TMEM135: variants seen among roughly 807,000 people sequenced by gnomAD.
The protein encoded by TMEM135 is peroxisomal membrane protein 52.
TMEM135 carries 30 observed loss-of-function variants against 60.3 expected under a neutral mutation model. The observed-to-expected ratio is 0.50, with a 90% CI of 0.37 to 0.68. The LOEUF (loss-of-function observed/expected upper bound fraction) is 0.68, where lower values mean the gene tolerates loss of function less well. TMEM135 is among the 30% of genes least tolerant of loss of function. The pLI is 0.00. For synonymous variants in TMEM135, 190 were observed against 186.7 expected (o/e 1.02, Z -0.14); for missense variants, 468 against 548.8 (o/e 0.85, Z 1.47).
intron 6 of TMEM135, among the ~76,000 whole-genome samples, chr11:87,269,617 T>C (rs1322420002): frequency 1.3e-5 from 2 of 151,700 alleles, no homozygotes; most frequent in African/African-American, 4.8e-5. Context: ...GTCCTTGCGA[T>C]AGTTTATGAG....
At chr11:87,221,861 G>C (rs1015505514) in intron 5 of TMEM135, among the ~76,000 whole-genome samples, 1 of 152,132 alleles carries the variant, frequency 6.6e-6, no homozygotes, top group African/African-American at 2.4e-5. Flanking sequence ...ATTGAACAAA[G>C]TTGGCTGAAT....
intron 3 of TMEM135, among the ~76,000 whole-genome samples, chr11:87,079,364 T>G (rs930463412): frequency 6.6e-6 from 1 of 152,234 alleles, no homozygotes; most frequent in Non-Finnish European, 1.5e-5. Flanking sequence ...TTCATCCATT[T>G]TGAATTAATT....
intron 3 of TMEM135, among the ~76,000 whole-genome samples, chr11:87,080,622 C>T (rs1591003463): frequency 6.6e-6 from 1 of 152,076 alleles, no homozygotes; most frequent in East Asian, 1.9e-4. Flanking sequence ...AACCTTTTAT[C>T]CATATGGAAT....
At chr11:87,280,824 G>T (rs753882958) in intron 6 of TMEM135, among the ~76,000 whole-genome samples, 19 of 152,166 alleles carry the variant, frequency 1.2e-4, no homozygotes, top group African/African-American at 3.6e-4. Flanking sequence ...GTGAATAAAT[G>T]ATGTAAAGGT....
intron 4 of TMEM135, among the ~76,000 whole-genome samples, chr11:87,104,635 A>G (rs1857547702): frequency 6.6e-6 from 1 of 152,082 alleles, no homozygotes; most frequent in African/African-American, 2.4e-5. Context: ...ATCTTTTACC[A>G]TCTTGGTTAA....
chr11:87,160,253 A>C (rs1591065401), intron 5 of TMEM135, among the ~76,000 whole-genome samples: 1 of 152,202 alleles, frequency 6.6e-6, no homozygotes, highest in Non-Finnish European at 1.5e-5. Context: ...TAGATATTTG[A>C]AGAAATTTTG....
chr11:87,092,267 A>C (rs375886616), intron 4 of TMEM135, among the ~76,000 whole-genome samples: 2 of 152,230 alleles, frequency 1.3e-5, no homozygotes, highest in African/African-American at 4.8e-5. Context: ...ATAATAATGT[A>C]TGAAAAGGAC....
At chr11:87,273,582 A>G (rs12294991) in intron 6 of TMEM135, among the ~76,000 whole-genome samples, 2,460 of 152,254 alleles carry the variant, frequency 0.016, 76 homozygotes, top group African/African-American at 0.056. Flanking sequence ...GTAAAAACTG[A>G]ACTAATAAAT....
At chr11:87,202,062 G>A (rs181388977) in intron 5 of TMEM135, among the ~76,000 whole-genome samples, 98 of 152,034 alleles carry the variant, frequency 6.4e-4, no homozygotes, top group Admixed American at 1.2e-3. Flanking sequence ...GTCTGGCTGC[G>A]TTGCCCAAAC....
intron 5 of TMEM135, among the ~76,000 whole-genome samples, chr11:87,227,048 C>CA (rs1485100407): frequency 1.3e-5 from 2 of 151,586 alleles, no homozygotes; most frequent in Non-Finnish European, 2.9e-5. Flanking sequence ...GACTCCATTT[C>CA]AAAAAAAGAA....
At chr11:87,292,995 A>G (rs1942291953) in intron 6 of TMEM135, among the ~76,000 whole-genome samples, 1 of 152,214 alleles carries the variant, frequency 6.6e-6, no homozygotes, top group Non-Finnish European at 1.5e-5. Flanking sequence ...CACAAAGATA[A>G]ATGGCTGTCT....
chr11:87,240,058 T>C (rs1329539150), intron 6 of TMEM135, among the ~76,000 whole-genome samples: 1 of 152,120 alleles, frequency 6.6e-6, no homozygotes, highest in Middle Eastern at 3.2e-3. Context: ...TGTGAAATGC[T>C]TCAAGGCTTG....
intron 5 of TMEM135, among the ~76,000 whole-genome samples, chr11:87,199,787 A>G (rs1488888099): frequency 6.6e-6 from 1 of 152,188 alleles, no homozygotes; most frequent in Non-Finnish European, 1.5e-5. Context: ...AAAATTAGCC[A>G]GGCGTGGTGG....
intron 4 of TMEM135, chr11:87,096,281 T>G (rs1857327268): frequency 3.7e-6 from 1 of 271,186 alleles, no homozygotes; most frequent in Non-Finnish European, 7.3e-6. Context: ...CATCTTCTCT[T>G]GAAAATAGAA....
chr11:87,287,401 G>A (rs10792934), intron 6 of TMEM135, among the ~76,000 whole-genome samples: 55,867 of 152,080 alleles, frequency 0.37, 10,923 homozygotes, highest in Non-Finnish European at 0.43. Flanking sequence ...TTTTTTGGCC[G>A]GGCGCAGTGG....
intron 3 of TMEM135, among the ~76,000 whole-genome samples, chr11:87,076,967 A>G (rs1856886030): frequency 1.3e-5 from 2 of 152,358 alleles, no homozygotes; most frequent in East Asian, 1.9e-4. Flanking sequence ...ACTGTCAACT[A>G]CACTATAGAC....
intron 4 of TMEM135, among the ~76,000 whole-genome samples, chr11:87,132,820 T>C (rs1937974360): frequency 8.7e-6 from 1 of 115,172 alleles, no homozygotes; most frequent in South Asian, 2.8e-4. Flanking sequence ...ATACCTATGG[T>C]ATGTTTTTTT....
intron 5 of TMEM135, among the ~76,000 whole-genome samples, chr11:87,225,508 A>G (rs1940746515): frequency 1.3e-5 from 2 of 152,206 alleles, no homozygotes; most frequent in Middle Eastern, 3.4e-3. Flanking sequence ...TAAAAAAAAA[A>G]GTCATTATCA....
intron 5 of TMEM135, among the ~76,000 whole-genome samples, chr11:87,210,761 G>A (rs1940350603): frequency 6.6e-6 from 1 of 152,056 alleles, no homozygotes; most frequent in Non-Finnish European, 1.5e-5. Flanking sequence ...GAAAATACTA[G>A]TAAAACGAAT....
Sources: allele counts gnomAD v4.1 joint callset (sites outside exome capture counted in the v4.1 genomes callset), GRCh38; gene constraint gnomAD v4.1.1; transcripts MANE v1.5; gene names NCBI Gene and HGNC (gene_info 2026-07-23, HGNC 2026-07-21).